The following DOK6 variants were observed in gnomAD, a reference collection of about 807,000 sequenced individuals.
DOK6 encodes downstream of tyrosine kinase 6.
In DOK6, 22 loss-of-function variants were observed where a neutral mutation model predicts 44.0. That is an observed-to-expected ratio of 0.50 (90% confidence interval 0.36 to 0.71). The LOEUF (loss-of-function observed/expected upper bound fraction) is 0.71, where lower values mean the gene tolerates loss of function less well. DOK6 is among the 30% of genes least tolerant of loss of function. The pLI is 0.00. For missense variants in DOK6, 340 were observed against 416.4 expected, an observed-to-expected ratio of 0.82 and a Z score of 1.60; for synonymous variants, 166 against 145.5, an observed-to-expected ratio of 1.14 and a Z score of -1.01.
intron 7 of DOK6, among the ~76,000 whole-genome samples, chr18:69,796,319 A>G (rs1384175484): frequency 6.6e-5 from 10 of 152,304 alleles, no homozygotes; most frequent in Non-Finnish European, 5.9e-5. Flanking sequence ...AACTGTTACC[A>G]AAGGTCTGTC....
chr18:69,734,967 A>G (rs1011853554), intron 5 of DOK6, among the ~76,000 whole-genome samples: 1 of 152,184 alleles, frequency 6.6e-6, no homozygotes, highest in Non-Finnish European at 1.5e-5. Context: ...GTTCAATGCT[A>G]GTAATATTTT....
intron 4 of DOK6, among the ~76,000 whole-genome samples, chr18:69,690,615 A>G (rs549867100): frequency 1.1e-3 from 172 of 152,326 alleles, no homozygotes; most frequent in Middle Eastern, 3.4e-3. Flanking sequence ...ATCTGGCTCT[A>G]TTTAGTTCCT....
chr18:69,720,379 T>G (rs772754139), intron 5 of DOK6, among the ~76,000 whole-genome samples: 2 of 152,188 alleles, frequency 1.3e-5, no homozygotes, highest in Non-Finnish European at 2.9e-5. Context: ...TGCATTCCCC[T>G]TTTGATCCTA....
At chr18:69,733,663 CTTT>C (rs1372501994) in intron 5 of DOK6, among the ~76,000 whole-genome samples, 2 of 152,158 alleles carry the variant, frequency 1.3e-5, no homozygotes, top group African/African-American at 4.8e-5. Flanking sequence ...TCCCACACAT[CTTT>C]TTTACACAAA....
intron 7 of DOK6, among the ~76,000 whole-genome samples, chr18:69,821,998 G>C (rs933889517): frequency 6.6e-6 from 1 of 151,708 alleles, no homozygotes; most frequent in African/African-American, 2.4e-5. Context: ...CTTTTCTCTA[G>C]TGAAAAAAAC....
At chr18:69,570,073 A>G (rs961662547) in intron 2 of DOK6, among the ~76,000 whole-genome samples, 1 of 143,106 alleles carries the variant, frequency 7.0e-6, no homozygotes, top group Non-Finnish European at 1.5e-5. Context: ...AGGTTTCAGG[A>G]AAAAAAAAAC....
At chr18:69,747,809 C>T (rs1328803820) in intron 6 of DOK6, among the ~76,000 whole-genome samples, 1 of 152,166 alleles carries the variant, frequency 6.6e-6, no homozygotes, top group Non-Finnish European at 1.5e-5. Context: ...CACATAGTTA[C>T]TTGAAGCTTC....
At chr18:69,557,740 G>T (rs1982724435) in intron 1 of DOK6, among the ~76,000 whole-genome samples, 1 of 152,126 alleles carries the variant, frequency 6.6e-6, no homozygotes, top group African/African-American at 2.4e-5. Context: ...GAATGAGAAA[G>T]TGAAATCAGT....
At chr18:69,538,720 G>C (rs140181878) in intron 1 of DOK6, among the ~76,000 whole-genome samples, 3 of 151,926 alleles carry the variant, frequency 2.0e-5, no homozygotes, top group Non-Finnish European at 2.9e-5. Flanking sequence ...CCACTGCCTT[G>C]CTCACCAGGA....
intron 3 of DOK6, among the ~76,000 whole-genome samples, chr18:69,617,629 GAGGGAGGA>G (rs1266942415): frequency 1.0e-4 from 15 of 150,090 alleles, no homozygotes; most frequent in Non-Finnish European, 1.6e-4. Flanking sequence ...AAGAAAGAGG[GAGGGAGGA>G]AGGAAGGAAG....
chr18:69,468,963 G>C (rs1980007147), intron 1 of DOK6, among the ~76,000 whole-genome samples: 1 of 152,184 alleles, frequency 6.6e-6, no homozygotes, highest in Non-Finnish European at 1.5e-5. Context: ...CTGACTACTT[G>C]GATATTTGGG....
rs71967351 is a variant in DOK6 at position 69,811,577 on chromosome 18, TCA to T, written c.857-29666_857-29665del. On this transcript the variant is annotated intron_variant, in intron 7 of 7. Coordinates refer to ENST00000382713, the MANE Select transcript of DOK6 (RefSeq NM_152721.6). ...ATATATATATATATATATATATATA[TCA>T]AAACACTACGTTGTACACAATCAAT... Among the ~76,000 whole-genome samples the T allele has an allele frequency of 3.7e-3, 41 of 11,112 alleles. No homozygotes were observed. The South Asian group carries it at 0.088, about 24-fold the overall frequency. The allele number at this position is 11,112 out of a possible 152,430, so 7.3% of individuals were successfully genotyped here.
rs1198957887 is a variant in DOK6, at chr18:69,531,237, G to GTATATATATAATATATACTTACA, written c.67-33239_67-33217dup. 7.9e-3 allele frequency among the ~76,000 whole-genome samples: 1,156 copies of GTATATATATAATATATACTTACA among 146,474 alleles called. 45 individuals are homozygous for GTATATATATAATATATACTTACA. The highest frequency in any genetic ancestry group is 0.054 in the Admixed American group (779 of 14,460). On this transcript the variant is annotated intron_variant, in intron 1 of 7. Coordinates refer to ENST00000382713, the MANE Select transcript of DOK6 (RefSeq NM_152721.6). ...TTTACCAGTCTGAGAAGTTTTTTAA[G>GTATATATATAATATATACTTACA]TATATATATAATATATACTTACATA...
chr18:69,654,028 T>TA (rs1985299829), intron 3 of DOK6, among the ~76,000 whole-genome samples: 2 of 152,084 alleles, frequency 1.3e-5, no homozygotes, highest in Non-Finnish European at 2.9e-5. Context: ...TTGAGACGTC[T>TA]AAAAAATGAA....
At chr18:69,472,577 C>T (rs1386325504) in intron 1 of DOK6, among the ~76,000 whole-genome samples, 1 of 152,222 alleles carries the variant, frequency 6.6e-6, no homozygotes, top group African/African-American at 2.4e-5. Context: ...CACTGACGCC[C>T]ACAGGAGAGG....
At chr18:69,733,830 T>A (rs1401018976) in intron 5 of DOK6, among the ~76,000 whole-genome samples, 1 of 152,172 alleles carries the variant, frequency 6.6e-6, no homozygotes, top group Non-Finnish European at 1.5e-5. Flanking sequence ...ATTACGACTA[T>A]TACTGAAAAG....
chr18:69,432,484 A>T (rs1396588752), intron 1 of DOK6, among the ~76,000 whole-genome samples: 1 of 152,174 alleles, frequency 6.6e-6, no homozygotes, highest in Non-Finnish European at 1.5e-5. Context: ...TTATTTTGAA[A>T]TGTGTAAAAA....
At chr18:69,482,057 T>A (rs1291301844) in intron 1 of DOK6, among the ~76,000 whole-genome samples, 1 of 152,226 alleles carries the variant, frequency 6.6e-6, no homozygotes, top group Non-Finnish European at 1.5e-5. Context: ...TTTGCCCAAT[T>A]TTTGATGGGG....
intron 3 of DOK6, among the ~76,000 whole-genome samples, chr18:69,617,633 GAGGA>G (rs1208001058): frequency 1.1e-4 from 16 of 148,782 alleles, no homozygotes; most frequent in Non-Finnish European, 1.5e-4. Flanking sequence ...AAGAGGGAGG[GAGGA>G]AGGAAGGAAG....
Sources: allele counts gnomAD v4.1 joint callset (sites outside exome capture counted in the v4.1 genomes callset), GRCh38; gene constraint gnomAD v4.1.1; transcripts MANE v1.5; gene names NCBI Gene and HGNC (gene_info 2026-07-23, HGNC 2026-07-21).